The following RANBP17 variants were observed in gnomAD, a reference collection of about 807,000 sequenced individuals.
RANBP17 encodes RAN binding protein 17, also known as ran-binding protein 17.
A neutral mutation model predicts 141.2 loss-of-function variants in RANBP17; 158 were observed. The observed-to-expected ratio is 1.12, with a 90% CI of 0.98 to 1.28. RANBP17 has a LOEUF of 1.28. Ranked by LOEUF, RANBP17 falls within the 50% of genes most tolerant of loss-of-function variation. The pLI is 0.00. For missense variants in RANBP17, 1,438 were observed against 1,290.7 expected (o/e 1.11, Z -1.75); for synonymous variants, 430 against 450.0 (o/e 0.96, Z 0.56).
chr5:171,205,636 T>C (rs777903931), intron 20 of RANBP17, 24 bp downstream of exon 20: 6 of 1,576,676 alleles, frequency 3.8e-6, no homozygotes, highest in Admixed American at 1.7e-5. Context: ...ACTGTGACAA[T>C]ACCAGCTCTG....
At chr5:171,013,619 T>G (rs1780219474) in intron 14 of RANBP17, among the ~76,000 whole-genome samples, 1 of 151,732 alleles carries the variant, frequency 6.6e-6, no homozygotes, top group African/African-American at 2.4e-5. Context: ...TTTGTCCCAT[T>G]GATCTTTAAG....
At chr5:171,086,800 G>A (rs1296424673) in intron 14 of RANBP17, among the ~76,000 whole-genome samples, 9 of 147,136 alleles carry the variant, frequency 6.1e-5, no homozygotes, top group Non-Finnish European at 3.0e-5. Flanking sequence ...CTGTGGGATC[G>A]GTGGTGATAT....
chr5:171,073,387 A>G (rs1441119896), intron 14 of RANBP17, among the ~76,000 whole-genome samples: 1 of 152,116 alleles, frequency 6.6e-6, no homozygotes, highest in Non-Finnish European at 1.5e-5. Flanking sequence ...TCTTACAGGT[A>G]CAGATTAGCA....
intron 14 of RANBP17, among the ~76,000 whole-genome samples, chr5:170,972,122 AAC>A (rs1481217712): frequency 1.3e-5 from 2 of 151,972 alleles, no homozygotes; most frequent in African/African-American, 4.8e-5. Context: ...ATATAAACAA[AAC>A]ACAGCACTGT....
chr5:171,269,986 A>G (rs1766989717), intron 25 of RANBP17, among the ~76,000 whole-genome samples: 1 of 152,048 alleles, frequency 6.6e-6, no homozygotes, highest in South Asian at 2.1e-4. Flanking sequence ...TTTCCCCCCA[A>G]CCTGGTCCTA....
intron 14 of RANBP17, among the ~76,000 whole-genome samples, chr5:171,107,544 T>G (rs747993042): frequency 6.6e-6 from 1 of 152,192 alleles, no homozygotes; most frequent in Non-Finnish European, 1.5e-5. Context: ...GAAAAGATGC[T>G]GATACTTTTC....
intron 12 of RANBP17, among the ~76,000 whole-genome samples, chr5:170,929,035 T>G (rs931783369): frequency 2.0e-5 from 3 of 152,102 alleles, no homozygotes; most frequent in African/African-American, 7.2e-5. Flanking sequence ...TTGATGCTAT[T>G]GTAAATTTCC....
chr5:171,014,783 A>G (rs1033512225), intron 14 of RANBP17, among the ~76,000 whole-genome samples: 1 of 151,974 alleles, frequency 6.6e-6, no homozygotes, highest in African/African-American at 2.4e-5. Flanking sequence ...CCAGAGTTTC[A>G]TGTGGTATCA....
intron 14 of RANBP17, among the ~76,000 whole-genome samples, chr5:171,123,682 C>T (rs1756213168): frequency 6.6e-6 from 1 of 152,228 alleles, no homozygotes; most frequent in African/African-American, 2.4e-5. Flanking sequence ...AGGACCAACC[C>T]ACCTGGTGTC....
intron 15 of RANBP17, 55 bp downstream of exon 15, chr5:171,170,258 A>G: frequency 1.1e-6 from 1 of 883,942 alleles, no homozygotes; most frequent in Non-Finnish European, 1.7e-6. Flanking sequence ...TAAATGTAAT[A>G]GATCTTTTTA....
intron 24 of RANBP17, among the ~76,000 whole-genome samples, chr5:171,244,596 G>A (rs958838733): frequency 5.3e-5 from 8 of 151,872 alleles, no homozygotes; most frequent in East Asian, 1.9e-4. Flanking sequence ...ACAGGCTTGC[G>A]CCATCATACC....
At chr5:171,241,648 CTT>C (rs1374197670) in intron 23 of RANBP17, among the ~76,000 whole-genome samples, 1 of 152,138 alleles carries the variant, frequency 6.6e-6, no homozygotes, top group African/African-American at 2.4e-5. Context: ...AAAGTAGAAA[CTT>C]GAGTCAAATC....
chr5:170,997,470 A>T (rs2127572715), intron 14 of RANBP17, among the ~76,000 whole-genome samples: 1 of 152,290 alleles, frequency 6.6e-6, no homozygotes, highest in East Asian at 1.9e-4. Context: ...TCTTGAAGAA[A>T]CTGGTCCAAA....
chr5:171,087,338 A>G (rs1291673016), intron 14 of RANBP17, among the ~76,000 whole-genome samples: 1 of 151,912 alleles, frequency 6.6e-6, no homozygotes, highest in East Asian at 1.9e-4. Flanking sequence ...ATAGTTTGTT[A>G]TAATTTCTGT....
intron 14 of RANBP17, among the ~76,000 whole-genome samples, chr5:171,080,588 T>TA (rs1259939698): frequency 6.6e-6 from 1 of 152,206 alleles, no homozygotes; most frequent in African/African-American, 2.4e-5. Flanking sequence ...AGAGAACTGT[T>TA]ACAGCTCTGA....
intron 12 of RANBP17, among the ~76,000 whole-genome samples, chr5:170,940,271 A>C (rs1774220718): frequency 6.6e-6 from 1 of 152,208 alleles, no homozygotes; most frequent in Non-Finnish European, 1.5e-5. Context: ...TTGAAGAGAA[A>C]AAGCATTATT....
chr5:171,207,465 A>G (rs1178051097), intron 20 of RANBP17: 1 of 152,234 alleles, frequency 6.6e-6, no homozygotes, highest in African/African-American at 2.4e-5. Flanking sequence ...TCTGAAATGA[A>G]ACTTTTGTCC....
chr5:171,130,861 C>A (rs1249984822), intron 14 of RANBP17, among the ~76,000 whole-genome samples: 1 of 151,980 alleles, frequency 6.6e-6, no homozygotes, highest in East Asian at 1.9e-4. Context: ...AGCTAGTTTC[C>A]CTTCTAGCTA....
Position 171,067,606 on chromosome 5 carries a change from A to T in RANBP17, c.1710+99229A>T, listed in dbSNP as rs1371133400. 3.9e-5 allele frequency among the ~76,000 whole-genome samples: 6 copies of T among 152,008 alleles called. No individual in the cohort carries two copies. The East Asian group carries it at 1.2e-3, about 29-fold the overall frequency. ...CTTTAGCTTCTTAAAAATTTTTTTA[A>T]ATCTAGGAACGTCTTAATTTTTCCT... On this transcript the variant is annotated intron_variant, in intron 14 of 27. Transcript: ENST00000523189.
Sources: gnomAD v4.1 joint callset for allele counts (sites outside exome capture counted in the v4.1 genomes callset) on GRCh38, gnomAD v4.1.1 for gene constraint, MANE v1.5 for transcripts, NCBI Gene and HGNC (gene_info 2026-07-23, HGNC 2026-07-21) for gene names.